The following ASIC2 variants were observed in gnomAD, a reference collection of about 807,000 sequenced individuals.
ASIC2 encodes the protein acid sensing ion channel subunit 2, also known as acid-sensing ion channel 2.
ASIC2 carries 25 observed loss-of-function variants against 57.3 expected under a neutral mutation model. That is an observed-to-expected ratio of 0.44 (90% CI 0.32 to 0.61). ASIC2 has a LOEUF of 0.61. Among genes scored for constraint, ASIC2 ranks in the 20% least tolerant of loss-of-function variants. The pLI is 0.06. For missense variants in ASIC2, 641 were observed against 738.1 expected (o/e 0.87, Z 1.52); for synonymous variants, 319 against 307.5 (o/e 1.04, Z -0.39).
chr17:33,985,867 T>A (rs528423158), intron 1 of ASIC2, among the ~76,000 whole-genome samples: 1 of 152,352 alleles, frequency 6.6e-6, no homozygotes, highest in South Asian at 2.1e-4. Context: ...AGGCCTTCCC[T>A]GAGAAGACAC....
At chr17:34,003,204 A>C (rs1906405248) in intron 1 of ASIC2, 1 of 152,200 alleles carries the variant, frequency 6.6e-6, no homozygotes, top group Admixed American at 6.5e-5. Context: ...TCTTGATATC[A>C]AATCCTGGCT....
At chr17:33,851,493 C>T (rs1442964928) in intron 1 of ASIC2, among the ~76,000 whole-genome samples, 1 of 152,110 alleles carries the variant, frequency 6.6e-6, no homozygotes, top group Non-Finnish European at 1.5e-5. Flanking sequence ...GTTTCAAAAA[C>T]AATCAAACAA....
intron 1 of ASIC2, among the ~76,000 whole-genome samples, chr17:33,461,231 C>T (rs913340972): frequency 6.6e-6 from 1 of 152,242 alleles, no homozygotes; most frequent in African/African-American, 2.4e-5. Context: ...GAACACTTAA[C>T]ATTCCTTTAC....
At chr17:33,046,234 G>A (rs959955301) in intron 3 of ASIC2, among the ~76,000 whole-genome samples, 7 of 152,282 alleles carry the variant, frequency 4.6e-5, no homozygotes, top group East Asian at 1.9e-4. Flanking sequence ...TCAGGAGTGC[G>A]TTTGTTGGGG....
intron 1 of ASIC2, among the ~76,000 whole-genome samples, chr17:33,369,804 G>A (rs1908973742): frequency 6.6e-6 from 1 of 152,176 alleles, no homozygotes; most frequent in African/African-American, 2.4e-5. Flanking sequence ...TAGTGCTGTT[G>A]TTGTTATTGA....
chr17:33,974,407 C>T (rs145278658), intron 1 of ASIC2, among the ~76,000 whole-genome samples: 484 of 152,248 alleles, frequency 3.2e-3, no homozygotes, highest in Non-Finnish European at 5.4e-3. Context: ...GCTGGCTTTG[C>T]CTGCCTGGCA....
At chr17:33,349,178 ATG>A (rs1478939744) in intron 1 of ASIC2, among the ~76,000 whole-genome samples, 1 of 152,200 alleles carries the variant, frequency 6.6e-6, no homozygotes, top group Non-Finnish European at 1.5e-5. Flanking sequence ...AAGGCTCACT[ATG>A]GTCTTCTGAT....
intron 1 of ASIC2, among the ~76,000 whole-genome samples, chr17:34,084,162 CG>C (rs1910005462): frequency 2.0e-5 from 3 of 151,798 alleles, no homozygotes; most frequent in African/African-American, 7.2e-5. Context: ...TTAGGTCTAA[CG>C]TTTAAGTCTT....
intron 1 of ASIC2, among the ~76,000 whole-genome samples, chr17:33,917,890 G>GCACACACACACACGTGCATGTGCA (rs1915619717): frequency 7.5e-6 from 1 of 132,508 alleles, no homozygotes; most frequent in Non-Finnish European, 1.6e-5. Context: ...ACGTGCATGT[G>GCACACACACACACGTGCATGTGCA]CACACACACA....
At chr17:33,804,577 C>T (rs890131967) in intron 1 of ASIC2, among the ~76,000 whole-genome samples, 4 of 152,200 alleles carry the variant, frequency 2.6e-5, no homozygotes, top group Admixed American at 2.0e-4. Flanking sequence ...GGGTGGAGCC[C>T]AAGCTTTTAG....
chr17:33,997,313 T>A (rs984033678), intron 1 of ASIC2, among the ~76,000 whole-genome samples: 3 of 58,020 alleles, frequency 5.2e-5, no homozygotes, highest in African/African-American at 1.7e-4. Flanking sequence ...GTTAATTTTT[T>A]TTTTTTTTTT....
intron 1 of ASIC2, among the ~76,000 whole-genome samples, chr17:33,966,386 AAT>A (rs1484008089): frequency 2.0e-5 from 3 of 152,218 alleles, no homozygotes. Flanking sequence ...CAAAAATGGA[AAT>A]ATCACTATTC....
chr17:33,516,078 C>T (rs1251904895), intron 1 of ASIC2, among the ~76,000 whole-genome samples: 1 of 151,978 alleles, frequency 6.6e-6, no homozygotes, highest in Admixed American at 6.6e-5. Flanking sequence ...GCACTCCAGC[C>T]TGGGCGACAG....
At chr17:34,030,433 G>A (rs751977759) in intron 1 of ASIC2, among the ~76,000 whole-genome samples, 2 of 152,216 alleles carry the variant, frequency 1.3e-5, no homozygotes, top group Non-Finnish European at 2.9e-5. Flanking sequence ...CTTGAGCAAC[G>A]CAGAAGATGG....
At chr17:34,095,602 A>AAATTTTATATATATATATATATATATAT (rs1567818770) in intron 1 of ASIC2, among the ~76,000 whole-genome samples, 1,645 of 93,612 alleles carry the variant, frequency 0.018, 63 homozygotes, top group Non-Finnish European at 0.029. Context: ...AGAAGCAGGC[A>AAATTTTATATATATATATATATATATAT]AATTTTATAT....
In ASIC2 at chr17:33,853,807, G is replaced by A. The variant is rs368497376; in HGVS notation, c.555+302171C>T. Among the ~76,000 whole-genome samples, 7 of 152,270 alleles carry A rather than the reference G, an allele frequency of 4.6e-5. No homozygotes were observed. In the East Asian group the frequency reaches 1.4e-3, roughly 29 times the overall value. ...AAACGCTGATTTGATAAGTAAGAGGGCACATGTGGAGATAAGCATATGAGT... is the reference window on the plus strand; with the variant it reads ...AAACGCTGATTTGATAAGTAAGAGGACACATGTGGAGATAAGCATATGAGT... On this transcript the variant is annotated intron_variant, in intron 1 of 9. Coordinates refer to the ASIC2 transcript ENST00000359872.
rs1244300127 is a variant in ASIC2 at position 33,436,850 on chromosome 17, C to CTTTTTTTTTTTTT, written c.556-324784_556-324783insAAAAAAAAAAAAA. Among the ~76,000 whole-genome samples the CTTTTTTTTTTTTT allele has an allele frequency of 3.9e-5, 3 of 76,038 alleles. 1 individual carries two copies. The highest frequency in any genetic ancestry group is 8.7e-4 in the South Asian group (2 of 2,288). The allele number at this position is 76,038 out of a possible 152,430, so 49.9% of individuals were successfully genotyped here. A position where few individuals can be genotyped will look rare whatever the true frequency, so the allele number is the denominator to read the frequency against. On this transcript the variant is annotated intron_variant, in intron 1 of 9. Transcript: ENST00000359872. ...TGCAATGCCTTAAAACACATTCCAA[C>CTTTTTTTTTTTTT]TTCTTTTTTTTTTTTTTTTTTTTTT...
intron 1 of ASIC2, among the ~76,000 whole-genome samples, chr17:33,784,388 C>A (rs1451604212): frequency 6.6e-6 from 1 of 152,108 alleles, no homozygotes; most frequent in Non-Finnish European, 1.5e-5. Context: ...CTCCCTACCC[C>A]TCCTCCCTCA....
At chr17:33,327,146 T>G (rs993674812) in intron 1 of ASIC2, among the ~76,000 whole-genome samples, 4 of 152,138 alleles carry the variant, frequency 2.6e-5, no homozygotes, top group Admixed American at 2.6e-4. Flanking sequence ...TCACCCTCAA[T>G]CCCTCCACCA....
Sources: allele counts gnomAD v4.1 joint callset (sites outside exome capture counted in the v4.1 genomes callset), GRCh38; gene constraint gnomAD v4.1.1; transcripts MANE v1.5; gene names NCBI Gene and HGNC (gene_info 2026-07-23, HGNC 2026-07-21).